NRG1: variants seen among roughly 807,000 people sequenced by gnomAD.
NRG1 encodes neuregulin 1, also known as pro-neuregulin-1, membrane-bound isoform.
NRG1 carries 18 observed loss-of-function variants against 63.8 expected under a neutral mutation model. That is an observed-to-expected ratio of 0.28 (90% confidence interval 0.19 to 0.42). The LOEUF is 0.42. Among genes scored for constraint, NRG1 ranks in the 10% least tolerant of loss-of-function variants. The pLI, the probability that NRG1 is intolerant of heterozygous loss-of-function variation, is 1.00. For missense variants in NRG1, 762 were observed against 814.7 expected (o/e 0.94, Z 0.79); for synonymous variants, 302 against 301.3 (o/e 1.00, Z -0.02).
chr8:32,048,456 T>C (rs1008261161), intron 1 of NRG1, among the ~76,000 whole-genome samples: 2,398 of 11,046 alleles, frequency 0.22, 94 homozygotes, highest in African/African-American at 0.25. Context: ...CATATATATA[T>C]ATATATATAT....
chr8:31,857,159 CT>C (rs1827977466), intron 1 of NRG1, among the ~76,000 whole-genome samples: 1 of 152,260 alleles, frequency 6.6e-6, no homozygotes, highest in Non-Finnish European at 1.5e-5. Flanking sequence ...AGCTTCCCCC[CT>C]GCTTTGTTTA....
chr8:31,881,541 T>C (rs565133918), intron 1 of NRG1, among the ~76,000 whole-genome samples: 10 of 152,274 alleles, frequency 6.6e-5, no homozygotes, highest in African/African-American at 2.4e-4. Context: ...GAGTCACACA[T>C]CTTTCACTTT....
intron 5 of NRG1, among the ~76,000 whole-genome samples, chr8:32,655,254 T>C (rs1480172229): frequency 6.6e-6 from 1 of 152,114 alleles, no homozygotes; most frequent in Non-Finnish European, 1.5e-5. Flanking sequence ...TATGAAAAAC[T>C]TTGAAGGAAG....
intron 1 of NRG1, among the ~76,000 whole-genome samples, chr8:32,474,499 T>G (rs990125303): frequency 6.6e-6 from 1 of 150,714 alleles, no homozygotes; most frequent in African/African-American, 2.4e-5. Flanking sequence ...TATTCCCTTT[T>G]TTTTTTTTTT....
At chr8:32,435,325 G>A (rs1425707695) in intron 1 of NRG1, among the ~76,000 whole-genome samples, 6 of 152,098 alleles carry the variant, frequency 3.9e-5, no homozygotes, top group Admixed American at 6.6e-5. Context: ...TCCCAATAAC[G>A]AGGGAGATTT....
At chr8:31,815,434 T>G (rs1823343259) in intron 1 of NRG1, among the ~76,000 whole-genome samples, 1 of 152,240 alleles carries the variant, frequency 6.6e-6, no homozygotes, top group Non-Finnish European at 1.5e-5. Context: ...GTATTTTTCC[T>G]TTTTAAGACT....
chr8:31,979,305 A>G (rs1042423215), intron 1 of NRG1, among the ~76,000 whole-genome samples: 1 of 152,050 alleles, frequency 6.6e-6, no homozygotes. Context: ...TTTTCTAACC[A>G]TGTCTTCATT....
intron 1 of NRG1, among the ~76,000 whole-genome samples, chr8:31,760,395 G>A (rs1817412708): frequency 6.6e-6 from 1 of 152,192 alleles, no homozygotes; most frequent in Non-Finnish European, 1.5e-5. Flanking sequence ...GCATGGGCAA[G>A]GACTTCATGT....
chr8:32,307,477 A>G lies in NRG1; in HGVS notation c.38-288351A>G, dbSNP rs113806765. Among the ~76,000 whole-genome samples the G allele has an allele frequency of 6.2e-3, 951 of 152,226 alleles. 4 individuals carry two copies. The highest frequency in any genetic ancestry group is 0.01 in the Non-Finnish European group (702 of 68,022). The stretch of plus-strand genomic sequence containing the variant: ...GTGTTTGTTTGTCTTAGAATGCTGC[A>G]ACTTAAAACCAATTGATTTTAAATA... On this transcript the variant is annotated intron_variant, in intron 1 of 10. Coordinates refer to the NRG1 transcript ENST00000519301.
chr8:32,728,803 C>A (rs1027904760), intron 6 of NRG1, among the ~76,000 whole-genome samples: 1 of 152,134 alleles, frequency 6.6e-6, no homozygotes, highest in African/African-American at 2.4e-5. Flanking sequence ...CAGTGGCTCA[C>A]GCCTGTAATC....
At chr8:31,670,594 A>G (rs1341523849) in intron 1 of NRG1, among the ~76,000 whole-genome samples, 2 of 151,880 alleles carry the variant, frequency 1.3e-5, no homozygotes, top group Non-Finnish European at 2.9e-5. Context: ...TCGAAAATAA[A>G]CCTTCTGACA....
At chr8:32,703,956 A>G (rs1187149454) in intron 5 of NRG1, among the ~76,000 whole-genome samples, 1 of 152,236 alleles carries the variant, frequency 6.6e-6, no homozygotes, top group Non-Finnish European at 1.5e-5. Context: ...TGGCACACTG[A>G]TTAATTTCAG....
chr8:32,058,789 G>T (rs1215262177), intron 1 of NRG1, among the ~76,000 whole-genome samples: 2 of 151,826 alleles, frequency 1.3e-5, no homozygotes, highest in African/African-American at 2.4e-5. Flanking sequence ...TCATTTTCTT[G>T]TTCTGATGAC....
chr8:32,687,832 A>T (rs981295849), intron 5 of NRG1, among the ~76,000 whole-genome samples: 2 of 152,242 alleles, frequency 1.3e-5, no homozygotes, highest in Admixed American at 1.3e-4. Context: ...GTGTGAATGA[A>T]AAACTATTTT....
At chr8:32,022,449 C>A (rs1302118925) in intron 1 of NRG1, among the ~76,000 whole-genome samples, 2 of 152,050 alleles carry the variant, frequency 1.3e-5, no homozygotes, top group African/African-American at 4.8e-5. Context: ...TGCAAATAGA[C>A]CTGTAATGCT....
chr8:31,639,647 C>A (rs764614592), intron 1 of NRG1: 11 of 1,398,696 alleles, frequency 7.9e-6, no homozygotes, highest in South Asian at 1.6e-5. Context: ...ACAGCAGCCC[C>A]GACAGCAGGG....
intron 1 of NRG1, among the ~76,000 whole-genome samples, chr8:32,427,952 C>G (rs368951876): frequency 8.5e-5 from 13 of 152,288 alleles, no homozygotes; most frequent in African/African-American, 3.1e-4. Context: ...ACAAACTACC[C>G]CAAAATCTTA....
intron 1 of NRG1, among the ~76,000 whole-genome samples, chr8:32,168,723 G>T (rs77459818): frequency 1.3e-5 from 2 of 152,278 alleles, no homozygotes; most frequent in South Asian, 2.1e-4. Flanking sequence ...GAGGAAAGCC[G>T]CTGGCTGACC....
chr8:31,776,811 A>T (rs1819190239), intron 1 of NRG1, among the ~76,000 whole-genome samples: 1 of 151,938 alleles, frequency 6.6e-6, no homozygotes, highest in Admixed American at 6.6e-5. Flanking sequence ...TCCTTGCGAT[A>T]GTTTGCTGAG....
Sources: gnomAD v4.1 joint callset for allele counts (sites outside exome capture counted in the v4.1 genomes callset) on GRCh38, gnomAD v4.1.1 for gene constraint, MANE v1.5 for transcripts, NCBI Gene and HGNC (gene_info 2026-07-23, HGNC 2026-07-21) for gene names.